LCLAT1: variants seen among roughly 807,000 people sequenced by gnomAD.
The protein encoded by LCLAT1 is lysocardiolipin acyltransferase 1, also known as 1-AGP acyltransferase 8.
In LCLAT1, 11 loss-of-function variants were observed where a neutral mutation model predicts 30.7. That is an observed-to-expected ratio of 0.36 (90% CI 0.23 to 0.59). The LOEUF is 0.59. LCLAT1 is among the 20% of genes least tolerant of loss of function. The pLI is 0.77. For missense variants in LCLAT1, 402 were observed against 458.6 expected, an observed-to-expected ratio of 0.88 and a Z score of 1.13; for synonymous variants, 155 against 151.3, an observed-to-expected ratio of 1.02 and a Z score of -0.18.
At position 30,643,743 on chromosome 2, in the gene LCLAT1, A is replaced by G. The variant is rs1254853564; in HGVS notation, c.*3124A>G. The G allele has an allele frequency of 6.6e-6, 1 of 152,650 alleles. No individual in the cohort carries two copies. The highest frequency in any genetic ancestry group is 1.5e-5 in the Non-Finnish European group (1 of 68,040). The allele number at this position is 152,650 out of a possible 1,614,324, so 9.5% of individuals were successfully genotyped here. ...TAAATTGTTTACATTTCTTTATACA[A>G]ATAATGTGCTTTCAGTGCCTTAGTT... On this transcript the variant is annotated 3_prime_UTR_variant, in exon 6 of 6. Transcript: ENST00000379509.
At chr2:30,540,943 G>A (rs1218647474) in intron 3 of LCLAT1, among the ~76,000 whole-genome samples, 3 of 152,150 alleles carry the variant, frequency 2.0e-5, no homozygotes, top group Non-Finnish European at 4.4e-5. Flanking sequence ...GATTACAGGT[G>A]TGAGCCACCA....
At chr2:30,547,176 G>A (rs1344770658) in intron 3 of LCLAT1, among the ~76,000 whole-genome samples, 1 of 152,124 alleles carries the variant, frequency 6.6e-6, no homozygotes, top group African/African-American at 2.4e-5. Flanking sequence ...TGTGTTTGAA[G>A]CTCCACCTGT....
chr2:30,607,088 G>C (rs1042201835), intron 5 of LCLAT1: 1 of 152,114 alleles, frequency 6.6e-6, no homozygotes, highest in Non-Finnish European at 1.5e-5. Context: ...TGAAACAACA[G>C]ATGCTGGCAA....
At chr2:30,490,901 T>C (rs1572518146) in intron 1 of LCLAT1, among the ~76,000 whole-genome samples, 1 of 152,170 alleles carries the variant, frequency 6.6e-6, no homozygotes, top group Non-Finnish European at 1.5e-5. Context: ...AAGTATAAAA[T>C]ACACACCAGA....
At position 30,447,830 on chromosome 2, in the gene LCLAT1, A is replaced by G. The variant is rs1572452864; in HGVS notation, c.-5+447A>G. Among the ~76,000 whole-genome samples, 5 of 152,356 alleles carry G rather than the reference A, an allele frequency of 3.3e-5. No individual in the cohort carries two copies. In the South Asian group the frequency reaches 1.0e-3, roughly 32 times the overall value. On this transcript the variant is annotated intron_variant, in intron 1 of 5. Coordinates refer to ENST00000379509, the MANE Select transcript of LCLAT1 (RefSeq NM_001002257.3). The stretch of plus-strand genomic sequence containing the variant: ...CACTAAAACGTCTCAAGTGGTCACC[A>G]CGTGCGGGGCTTCGACGAGAGCCGT...
intron 2 of LCLAT1, among the ~76,000 whole-genome samples, chr2:30,529,161 C>A (rs1358609539): frequency 6.6e-6 from 1 of 152,090 alleles, no homozygotes; most frequent in East Asian, 1.9e-4. Flanking sequence ...AGGATAAATG[C>A]ACTTAAACTA....
chr2:30,532,182 T>C (rs1686012653), intron 2 of LCLAT1, among the ~76,000 whole-genome samples: 1 of 152,238 alleles, frequency 6.6e-6, no homozygotes, highest in East Asian at 1.9e-4. Flanking sequence ...TCTTTCATGT[T>C]GCTGTAGGTA....
chr2:30,464,808 A>G (rs746444216), intron 1 of LCLAT1, among the ~76,000 whole-genome samples: 1 of 152,192 alleles, frequency 6.6e-6, no homozygotes, highest in Non-Finnish European at 1.5e-5. Flanking sequence ...AGACTAGGAT[A>G]GTATCTAATT....
intron 3 of LCLAT1, among the ~76,000 whole-genome samples, chr2:30,535,339 G>A (rs1686191624): frequency 6.6e-6 from 1 of 152,178 alleles, no homozygotes; most frequent in African/African-American, 2.4e-5. Flanking sequence ...AGAGTGGGGA[G>A]AAGAAGATTA....
In LCLAT1 at chr2:30,549,988, A is replaced by C. The variant is rs190889171; in HGVS notation, c.365-12158A>C. ...CCACAATGAAAATAATGTCAAAACT[A>C]TATCTTTAGAAATGCTGTTACTGAT... On this transcript the variant is annotated intron_variant, in intron 3 of 5. Coordinates refer to ENST00000379509, the MANE Select transcript of LCLAT1 (RefSeq NM_001002257.3). Among the ~76,000 whole-genome samples the C allele has an allele frequency of 3.1e-4, 47 of 152,334 alleles. 1 individual carries two copies. In the East Asian group the frequency reaches 8.7e-3, roughly 28 times the overall value.
chr2:30,479,654 A>G (rs991260384), intron 1 of LCLAT1, among the ~76,000 whole-genome samples: 14 of 152,162 alleles, frequency 9.2e-5, no homozygotes, highest in African/African-American at 3.4e-4. Flanking sequence ...TTGGGAAGGG[A>G]CATGCATGAA....
At chr2:30,617,155 A>G (rs1668032537) in intron 5 of LCLAT1, among the ~76,000 whole-genome samples, 1 of 151,950 alleles carries the variant, frequency 6.6e-6, no homozygotes, top group Non-Finnish European at 1.5e-5. Context: ...CATGTCCATC[A>G]CCCCCAAAGG....
chr2:30,538,256 A>G (rs920821003), intron 3 of LCLAT1, among the ~76,000 whole-genome samples: 3 of 152,236 alleles, frequency 2.0e-5, no homozygotes, highest in Non-Finnish European at 4.4e-5. Flanking sequence ...TAGAAACTAA[A>G]AAATACAAAG....
At chr2:30,537,415 T>TA (rs1352616188) in intron 3 of LCLAT1, among the ~76,000 whole-genome samples, 3 of 148,282 alleles carry the variant, frequency 2.0e-5, no homozygotes, top group South Asian at 2.1e-4. Context: ...GACTTCAAGT[T>TA]AAAAAAAAGA....
At position 30,470,650 on chromosome 2, in the gene LCLAT1, ATTGTT is replaced by A. The variant is rs1297755702; in HGVS notation, c.-5+23271_-5+23275del. On this transcript the variant is annotated intron_variant, in intron 1 of 5. Coordinates refer to ENST00000379509, the MANE Select transcript of LCLAT1 (RefSeq NM_001002257.3). Reference sequence around the variant, plus strand: ...TTTGCAAAGGCAGTTTCAGTACCACATTGTTTTGATTACTGTAGCCTCTTAGTAAG... The same window carrying A: ...TTTGCAAAGGCAGTTTCAGTACCACATTGATTACTGTAGCCTCTTAGTAAG... Among the ~76,000 whole-genome samples, 17 of 152,280 alleles carry A rather than the reference ATTGTT, an allele frequency of 1.1e-4. No homozygotes were observed. The East Asian group carries it at 3.3e-3, about 29-fold the overall frequency.
chr2:30,455,169 G>T (rs1217376503), intron 1 of LCLAT1, among the ~76,000 whole-genome samples: 1 of 152,094 alleles, frequency 6.6e-6, no homozygotes, highest in African/African-American at 2.4e-5. Context: ...TTCTTTAACT[G>T]TAAAAAAATT....
chr2:30,467,254 A>G lies in LCLAT1; in HGVS notation c.-5+19871A>G, dbSNP rs1340287471. Reference sequence around the variant, plus strand: ...GGTTTCCAGCTTCATCCATGTCCCTACAAAGGACATGAACTCATCCTTTTT... The same window carrying G: ...GGTTTCCAGCTTCATCCATGTCCCTGCAAAGGACATGAACTCATCCTTTTT... On this transcript the variant is annotated intron_variant, in intron 1 of 5. Transcript: ENST00000379509. Among the ~76,000 whole-genome samples, 9 of 152,198 alleles carry G rather than the reference A, an allele frequency of 5.9e-5. No homozygotes were observed. In the South Asian group the frequency reaches 1.9e-3, roughly 32 times the overall value.
intron 3 of LCLAT1, among the ~76,000 whole-genome samples, chr2:30,552,139 C>CA: frequency 6.6e-6 from 1 of 152,280 alleles, no homozygotes; most frequent in Admixed American, 6.5e-5. Flanking sequence ...ACTTAGGAAT[C>CA]AGTTTTGCAA....
At chr2:30,450,055 A>G (rs1681470046) in intron 1 of LCLAT1, among the ~76,000 whole-genome samples, 1 of 152,208 alleles carries the variant, frequency 6.6e-6, no homozygotes, top group Non-Finnish European at 1.5e-5. Flanking sequence ...TAGGATGTAA[A>G]CATTAACTCC....
Sources: allele counts gnomAD v4.1 joint callset (sites outside exome capture counted in the v4.1 genomes callset), GRCh38; gene constraint gnomAD v4.1.1; transcripts MANE v1.5; gene names NCBI Gene and HGNC (gene_info 2026-07-23, HGNC 2026-07-21).